The following CORO2B variants were observed in gnomAD, a reference collection of about 807,000 sequenced individuals.
CORO2B encodes the protein coronin-2B.
A neutral mutation model predicts 58.8 loss-of-function variants in CORO2B; 26 were observed. The observed-to-expected ratio is 0.44, with a 90% CI of 0.32 to 0.61. The LOEUF is 0.61. Ranked by LOEUF, CORO2B falls within the 20% of genes least tolerant of loss-of-function variation. CORO2B has a pLI of 0.04. For missense variants in CORO2B, 460 were observed against 645.1 expected, an observed-to-expected ratio of 0.71 and a Z score of 3.11; for synonymous variants, 242 against 253.8, an observed-to-expected ratio of 0.95 and a Z score of 0.44.
chr15:68,638,558 C>T (rs1351547154), intron 1 of CORO2B, among the ~76,000 whole-genome samples: 1 of 152,166 alleles, frequency 6.6e-6, no homozygotes, highest in African/African-American at 2.4e-5. Flanking sequence ...TTTCTTTACA[C>T]TTTTGTGTAG....
At chr15:68,634,783 A>G (rs1022937754) in intron 1 of CORO2B, among the ~76,000 whole-genome samples, 2 of 152,152 alleles carry the variant, frequency 1.3e-5, no homozygotes, top group Admixed American at 1.3e-4. Flanking sequence ...GTGATACCCA[A>G]CTGAATCATC....
intron 1 of CORO2B, among the ~76,000 whole-genome samples, chr15:68,610,484 C>G (rs1020713081): frequency 6.6e-6 from 1 of 152,086 alleles, no homozygotes; most frequent in African/African-American, 2.4e-5. Flanking sequence ...CCAGGAACAA[C>G]AGACCCCTTG....
chr15:68,570,479 C>A, the CORO2B span, among the ~76,000 whole-genome samples: 1 of 152,226 alleles, frequency 6.6e-6, no homozygotes, highest in East Asian at 1.9e-4. Context: ...TCGAAGGAAA[C>A]TTCCGGGTGG....
At chr15:68,569,138 G>A in the CORO2B span, among the ~76,000 whole-genome samples, 1 of 152,212 alleles carries the variant, frequency 6.6e-6, no homozygotes, top group Non-Finnish European at 1.5e-5. Flanking sequence ...ACATTAGCAT[G>A]TCATTATCAC....
chr15:68,701,318 TC>T (rs1265712391), intron 3 of CORO2B, among the ~76,000 whole-genome samples: 1 of 151,880 alleles, frequency 6.6e-6, no homozygotes, highest in Admixed American at 6.6e-5. Context: ...TTCTTTTTTT[TC>T]TTTTTTTTGA....
At chr15:68,622,336 T>G (rs539094938) in intron 1 of CORO2B, among the ~76,000 whole-genome samples, 190 of 152,252 alleles carry the variant, frequency 1.2e-3, no homozygotes, top group African/African-American at 4.4e-3. Context: ...GGGTTGGTTG[T>G]ACATTCCCTT....
chr15:68,545,299 A>C, the CORO2B span, among the ~76,000 whole-genome samples: 1 of 152,170 alleles, frequency 6.6e-6, no homozygotes, highest in East Asian at 1.9e-4. Context: ...TTTAATTTGT[A>C]TTGCTATGGA....
the CORO2B span, among the ~76,000 whole-genome samples, chr15:68,557,850 G>T: frequency 6.6e-6 from 1 of 152,210 alleles, no homozygotes; most frequent in Non-Finnish European, 1.5e-5. Flanking sequence ...GGAAGAGGGG[G>T]TGCAGCAAAT....
chr15:68,535,223 G>A, the CORO2B span, among the ~76,000 whole-genome samples: 4 of 152,168 alleles, frequency 2.6e-5, no homozygotes. Context: ...GATCCCAAAG[G>A]TAGAGGCCTA....
At chr15:68,701,416 A>G (rs538098702) in intron 3 of CORO2B, among the ~76,000 whole-genome samples, 5 of 145,418 alleles carry the variant, frequency 3.4e-5, no homozygotes, top group African/African-American at 1.0e-4. Flanking sequence ...GGTTCAGGCC[A>G]TTCTCCTGCC....
At chr15:68,671,481 A>G (rs1159843312) in intron 2 of CORO2B, among the ~76,000 whole-genome samples, 1 of 152,188 alleles carries the variant, frequency 6.6e-6, no homozygotes, top group Non-Finnish European at 1.5e-5. Flanking sequence ...ACAAATAGAA[A>G]ATATAGCTGT....
At chr15:68,693,611 T>C (rs1408270048) in intron 2 of CORO2B, among the ~76,000 whole-genome samples, 1 of 152,202 alleles carries the variant, frequency 6.6e-6, no homozygotes. Context: ...GCCACCTTTG[T>C]AGCCGCTAAA....
chr15:68,562,890 T>C, the CORO2B span, among the ~76,000 whole-genome samples: 5 of 147,822 alleles, frequency 3.4e-5, no homozygotes, highest in East Asian at 8.3e-4. Flanking sequence ...GGCAGGAGAA[T>C]GGCGTGAACC....
the CORO2B span, among the ~76,000 whole-genome samples, chr15:68,565,652 G>A: frequency 6.6e-6 from 1 of 152,064 alleles, no homozygotes; most frequent in Non-Finnish European, 1.5e-5. Context: ...ATTGTATAGT[G>A]GACGGGATGA....
the CORO2B span, among the ~76,000 whole-genome samples, chr15:68,540,940 GA>G: frequency 6.6e-6 from 1 of 152,204 alleles, no homozygotes; most frequent in Non-Finnish European, 1.5e-5. Context: ...TGACTTTTCA[GA>G]TCCTCTGCAA....
chr15:68,706,205 G>A (rs760875357), intron 3 of CORO2B, among the ~76,000 whole-genome samples: 4 of 152,190 alleles, frequency 2.6e-5, no homozygotes, highest in Non-Finnish European at 5.9e-5. Flanking sequence ...ACCTGCTGGC[G>A]CCCGACCCCA....
intron 2 of CORO2B, among the ~76,000 whole-genome samples, chr15:68,672,399 ATGTT>A (rs1181238029): frequency 6.6e-6 from 1 of 151,836 alleles, no homozygotes; most frequent in Non-Finnish European, 1.5e-5. Flanking sequence ...AGTACATAGA[ATGTT>A]TGTATAACAG....
At chr15:68,705,255 T>C (rs1363039689) in intron 3 of CORO2B, among the ~76,000 whole-genome samples, 1 of 152,050 alleles carries the variant, frequency 6.6e-6, no homozygotes, top group Non-Finnish European at 1.5e-5. Flanking sequence ...CTGGCCAACA[T>C]GGCGAAACCT....
chr15:68,625,864 C>T (rs1900664898), intron 1 of CORO2B, among the ~76,000 whole-genome samples: 1 of 152,190 alleles, frequency 6.6e-6, no homozygotes, highest in African/African-American at 2.4e-5. Flanking sequence ...CTTGGCCTCC[C>T]AAAATGCTGG....
Sources: gnomAD v4.1 joint callset for allele counts (sites outside exome capture counted in the v4.1 genomes callset) on GRCh38, gnomAD v4.1.1 for gene constraint, MANE v1.5 for transcripts, NCBI Gene and HGNC (gene_info 2026-07-23, HGNC 2026-07-21) for gene names.